The following SMS variants were observed in gnomAD, a reference collection of about 807,000 sequenced individuals.
SMS encodes the protein spermine synthase.
In SMS, 3 loss-of-function variants were observed where a neutral mutation model predicts 33.0. The observed-to-expected ratio is 0.09, with a 90% CI of 0.04 to 0.23. The LOEUF is 0.23. SMS is among the 10% of genes least tolerant of loss of function. The pLI is 1.00. For missense variants in SMS, 117 were observed against 288.6 expected (o/e 0.41, Z 4.31); for synonymous variants, 103 against 112.2 (o/e 0.92, Z 0.52).
At chrX:21,946,744 G>A (rs896614007) in intron 1 of SMS, among the ~76,000 whole-genome samples, 1 of 111,608 alleles carries the variant, frequency 9.0e-6, no homozygotes, top group Non-Finnish European at 1.9e-5. Context: ...ACTCCCCTGC[G>A]GCATTGACAG....
intron 1 of SMS, among the ~76,000 whole-genome samples, chrX:21,965,103 C>G (rs1181367419): frequency 4.5e-5 from 5 of 111,683 alleles, no homozygotes; most frequent in Non-Finnish European, 9.4e-5. Context: ...TCTTCTGTCT[C>G]TTATAAGGGC....
chrX:21,952,042 G>C (rs759175385), intron 1 of SMS, among the ~76,000 whole-genome samples: 28 of 111,747 alleles, frequency 2.5e-4, no homozygotes, highest in Non-Finnish European at 4.9e-4. Flanking sequence ...CTGGATTTTG[G>C]AGCCCAGCTG....
At chrX:21,957,741 G>A (rs1252251117) in intron 1 of SMS, among the ~76,000 whole-genome samples, 2 of 112,154 alleles carry the variant, frequency 1.8e-5, no homozygotes, top group Non-Finnish European at 3.8e-5. Flanking sequence ...CAGTGCAGAA[G>A]TGTTTCCTTT....
At chrX:21,944,539 A>AAAAAAAAAAAAGAAAAAAAG (rs776946474) in intron 1 of SMS, among the ~76,000 whole-genome samples, 1 of 81,439 alleles carries the variant, frequency 1.2e-5, no homozygotes, top group Non-Finnish European at 2.3e-5. Flanking sequence ...AAAAAAAAAA[A>AAAAAAAAAAAAGAAAAAAAG]AAAAAAGAAA....
At chrX:21,963,719 G>T (rs1923515171) in intron 1 of SMS, among the ~76,000 whole-genome samples, 1 of 111,646 alleles carries the variant, frequency 9.0e-6, no homozygotes, top group Admixed American at 9.5e-5. Flanking sequence ...CCAGGCCAGG[G>T]TCCTCGTTCA....
intron 9 of SMS, among the ~76,000 whole-genome samples, 166 bp from the exon 10 acceptor site, chrX:21,992,431 T>C (rs1176000145): frequency 1.8e-5 from 2 of 112,636 alleles, no homozygotes; most frequent in East Asian, 2.8e-4. Flanking sequence ...AATGGGTCTA[T>C]AAATAGAATG....
chrX:21,987,567 C>A (rs182242760), intron 9 of SMS, among the ~76,000 whole-genome samples: 16 of 112,793 alleles, frequency 1.4e-4, no homozygotes, highest in African/African-American at 5.1e-4. Context: ...GAGTAATCCT[C>A]CTCCATCAGC....
intron 9 of SMS, among the ~76,000 whole-genome samples, chrX:21,991,630 A>C (rs1780111425): frequency 8.9e-6 from 1 of 112,584 alleles, no homozygotes; most frequent in Non-Finnish European, 1.9e-5. Context: ...AATTGTGCTA[A>C]GAGGATGATA....
At chrX:21,981,851 T>C (rs550919809) in intron 7 of SMS, among the ~76,000 whole-genome samples, 19 of 110,811 alleles carry the variant, frequency 1.7e-4, no homozygotes, top group African/African-American at 5.2e-4. Flanking sequence ...CTGTTAATGG[T>C]ATTATAATGT....
intron 1 of SMS, among the ~76,000 whole-genome samples, chrX:21,964,734 A>G (rs913778045): frequency 8.9e-5 from 10 of 111,749 alleles, no homozygotes; most frequent in Admixed American, 2.9e-4. Context: ...TCTGCTTGAC[A>G]ATTCCGAATA....
rs769000033 is a variant in SMS at position 21,957,961 on chromosome X, T to G, written c.50-9235T>G. Among the ~76,000 whole-genome samples, 13 of 81,279 alleles carry G rather than the reference T, an allele frequency of 1.6e-4. No homozygotes were observed. The East Asian group carries it at 3.4e-3, about 22-fold the overall frequency. 70.6% of individuals were successfully genotyped at this position (81,279 alleles called of 115,157 possible). On this transcript the variant is annotated intron_variant, in intron 1 of 10. Transcript: ENST00000404933. ...CCCACTTTTTGATGGGAATATTTGT[T>G]TTTTTTTTTTTTCTTGCTGATTTAT...
chrX:21,973,562 G>T (rs1208264252), intron 4 of SMS, among the ~76,000 whole-genome samples: 1 of 112,882 alleles, frequency 8.9e-6, no homozygotes, highest in Non-Finnish European at 1.9e-5. Context: ...ACAGGGTGGG[G>T]TGATAAGAAA....
intron 1 of SMS, among the ~76,000 whole-genome samples, chrX:21,942,662 G>A (rs1473081132): frequency 4.5e-5 from 5 of 110,555 alleles, no homozygotes; most frequent in African/African-American, 1.3e-4. Context: ...AACCCTGCCA[G>A]CCTTAGGGCT....
intron 1 of SMS, among the ~76,000 whole-genome samples, chrX:21,963,382 G>A (rs763291640): frequency 2.7e-5 from 3 of 112,279 alleles, no homozygotes; most frequent in Non-Finnish European, 3.8e-5. Context: ...CCAGGCGGCC[G>A]CACAAATGAA....
Position 21,992,629 on chromosome X carries a change from G to A in SMS, c.978G>A (p.Ser326=), listed in dbSNP as rs150564614. The A allele has an allele frequency of 5.7e-5, 68 of 1,202,471 alleles. No homozygotes were observed. In the African/African-American group the frequency reaches 9.5e-4, roughly 17 times the overall value. Residue 326 remains serine, a synonymous_variant, in exon 10 of 11, where the codon TCG becomes TCA. Transcript: ENST00000404933. ...GNCVNLTEAL[S]LYEEQLGRLY... Reference sequence around the variant, plus strand: ...GTGTCAATCTGACAGAAGCACTGTCGCTCTATGAAGAACAGCTGGGGCGCC... The same window carrying A: ...GTGTCAATCTGACAGAAGCACTGTCACTCTATGAAGAACAGCTGGGGCGCC...
At position 21,977,130 on chromosome X, in the gene SMS, A is replaced by G; in HGVS notation, c.399A>G (p.Glu133=). The change falls in exon 5 of 11, where the codon GAA becomes GAG. Residue 133 remains glutamate (E), a synonymous_variant. Coordinates refer to ENST00000404933, the MANE Select transcript of SMS (RefSeq NM_004595.5). ...CCACCGCCGACGGGCGCCTGGTTGAATATGACATAGATGAAGTGGTATATG... is the reference window on the plus strand; with the variant it reads ...CCACCGCCGACGGGCGCCTGGTTGAGTATGACATAGATGAAGTGGTATATG... ...YWPTADGRLV[E]YDIDEVVYDE... The G allele has an allele frequency of 8.3e-7, 1 of 1,207,606 alleles. No individual in the cohort carries two copies. Among genetic ancestry groups the G allele is most frequent in the Admixed American group, 2.2e-5 (1 of 46,065 alleles).
chrX:21,972,365 G>C, intron 3 of SMS, 142 bp from the exon 4 acceptor site: 1 of 505,502 alleles, frequency 2.0e-6, no homozygotes, highest in Non-Finnish European at 3.6e-6. Flanking sequence ...TGGGCCAGGC[G>C]TCTACAGGCT....
chrX:21,944,522 C>CA (rs777680386), intron 1 of SMS, among the ~76,000 whole-genome samples: 659 of 34,636 alleles, frequency 0.019, 16 homozygotes, highest in East Asian at 0.035. Flanking sequence ...CCTGTCTCTA[C>CA]AAAAAAAAAA....
At chrX:21,990,306 GAAATT>G (rs766863623) in intron 9 of SMS, among the ~76,000 whole-genome samples, 12 of 112,158 alleles carry the variant, frequency 1.1e-4, no homozygotes, top group African/African-American at 3.9e-4. Context: ...TCTCTGAAAA[GAAATT>G]AAAATAAGCT....
Sources: allele counts gnomAD v4.1 joint callset (sites outside exome capture counted in the v4.1 genomes callset), GRCh38; gene constraint gnomAD v4.1.1; transcripts MANE v1.5; gene names NCBI Gene and HGNC (gene_info 2026-07-23, HGNC 2026-07-21).